METTL25: variants seen among roughly 807,000 people sequenced by gnomAD.
METTL25 encodes probable methyltransferase-like protein 25.
A neutral mutation model predicts 71.6 loss-of-function variants in METTL25; 64 were observed. That is an observed-to-expected ratio of 0.89 (90% confidence interval 0.73 to 1.10). METTL25 has a LOEUF of 1.10. Among genes scored for constraint, METTL25 ranks in the 50% least tolerant of loss-of-function variants. The pLI is 0.00. For synonymous variants in METTL25, 287 were observed against 250.3 expected (o/e 1.15, Z -1.38); for missense variants, 807 against 707.0 (o/e 1.14, Z -1.60).
intron 8 of METTL25, among the ~76,000 whole-genome samples, chr12:82,453,899 A>C (rs1489807878): frequency 6.6e-6 from 1 of 152,126 alleles, no homozygotes; most frequent in Admixed American, 6.6e-5. Flanking sequence ...TGAGCAAGAC[A>C]GCTGTGTTCC....
At chr12:82,416,989 A>C (rs1421670404) in intron 5 of METTL25, among the ~76,000 whole-genome samples, 2 of 152,154 alleles carry the variant, frequency 1.3e-5, no homozygotes, top group East Asian at 3.8e-4. Flanking sequence ...ATAAAATTCT[A>C]AGGTGGGAAA....
At chr12:82,377,714 G>A (rs149146315) in intron 1 of METTL25, among the ~76,000 whole-genome samples, 13 of 152,164 alleles carry the variant, frequency 8.5e-5, no homozygotes, top group East Asian at 1.9e-4. Context: ...ATTGTTTGTC[G>A]TAATTTAACA....
intron 7 of METTL25, among the ~76,000 whole-genome samples, chr12:82,436,432 G>C (rs925132878): frequency 9.2e-5 from 14 of 151,648 alleles, no homozygotes; most frequent in African/African-American, 3.4e-4. Context: ...GAATAGTCAG[G>C]CACAGACTGT....
intron 5 of METTL25, among the ~76,000 whole-genome samples, chr12:82,429,944 A>G (rs1225185276): frequency 6.6e-6 from 1 of 151,590 alleles, no homozygotes; most frequent in Non-Finnish European, 1.5e-5. Flanking sequence ...CTATGATTGT[A>G]AAAGTTAAAC....
intron 9 of METTL25, among the ~76,000 whole-genome samples, chr12:82,466,607 G>T (rs1892249709): frequency 6.6e-6 from 1 of 151,978 alleles, no homozygotes; most frequent in Non-Finnish European, 1.5e-5. Context: ...TGTTCTGTTA[G>T]TTTGATCTAA....
rs140211119 is a variant in METTL25 at position 82,461,922 on chromosome 12, T to G, written c.1572+5102T>G. Among the ~76,000 whole-genome samples, 387 of 152,344 alleles carry G rather than the reference T, an allele frequency of 2.5e-3. 2 individuals carry two copies. The highest frequency in any genetic ancestry group is 8.8e-3 in the African/African-American group (365 of 41,588). On this transcript the variant is annotated intron_variant, in intron 9 of 11. Coordinates refer to ENST00000248306, the MANE Select transcript of METTL25 (RefSeq NM_032230.3). ...ACAAGCACCTGAGCATGATTTCTTA[T>G]ATATTGTCTCCCACTCTAGTTTCTC...
At chr12:82,464,751 A>T (rs886805492) in intron 9 of METTL25, among the ~76,000 whole-genome samples, 8 of 151,654 alleles carry the variant, frequency 5.3e-5, no homozygotes, top group African/African-American at 7.3e-5. Context: ...TGAGCATGGG[A>T]TGTTTCTCCA....
intron 1 of METTL25, among the ~76,000 whole-genome samples, chr12:82,385,368 G>A (rs1176767003): frequency 6.6e-6 from 1 of 151,962 alleles, no homozygotes; most frequent in Non-Finnish European, 1.5e-5. Flanking sequence ...AGCTATGCTG[G>A]AGAAGACTTC....
chr12:82,386,805 A>G lies in METTL25; in HGVS notation c.262A>G (p.Met88Val). Residue 88 changes from methionine to valine, a missense_variant and splice_region_variant, in exon 2 of 12, where the codon ATG (methionine) becomes GTG (valine). Transcript: ENST00000248306. ...TTTTTCTGTCTTCACTTTTTTAGGTATGACTGATTTTCCCAAAATATTTTG... is the reference window on the plus strand; with the variant it reads ...TTTTTCTGTCTTCACTTTTTTAGGTGTGACTGATTTTCCCAAAATATTTTG... ...PLVEAEWEAG[M>V]TDFPKIFCET... 4 of 1,612,252 alleles carry G rather than the reference A, an allele frequency of 2.5e-6. No homozygotes were observed. The highest frequency in any genetic ancestry group is 3.4e-6 in the Non-Finnish European group (4 of 1,178,952).
chr12:82,444,130 T>C (rs1180065220), intron 8 of METTL25, among the ~76,000 whole-genome samples: 2 of 151,932 alleles, frequency 1.3e-5, no homozygotes, highest in Non-Finnish European at 2.9e-5. Flanking sequence ...GTAAGACATA[T>C]AATAATCAAA....
intron 1 of METTL25, among the ~76,000 whole-genome samples, chr12:82,386,292 C>T (rs77080671): frequency 0.016 from 2,506 of 152,250 alleles, 60 homozygotes; most frequent in African/African-American, 0.058. Flanking sequence ...CATTGTTCCT[C>T]ATGCACTGTG....
chr12:82,452,522 A>C (rs1007499052), intron 8 of METTL25, among the ~76,000 whole-genome samples: 5 of 152,204 alleles, frequency 3.3e-5, no homozygotes, highest in Non-Finnish European at 7.3e-5. Context: ...TGAATGAATA[A>C]ATAATTTTTA....
intron 5 of METTL25, among the ~76,000 whole-genome samples, chr12:82,413,758 T>A (rs1299789759): frequency 2.6e-5 from 4 of 152,016 alleles, no homozygotes; most frequent in Non-Finnish European, 2.9e-5. Context: ...ACATTTACTT[T>A]TAGTATCTTT....
intron 8 of METTL25, among the ~76,000 whole-genome samples, chr12:82,439,273 G>C (rs1269186875): frequency 2.0e-5 from 3 of 151,578 alleles, no homozygotes; most frequent in African/African-American, 4.8e-5. Context: ...CATATGTTTT[G>C]TTTTATTCCT....
rs776021939 is a variant in METTL25 at position 82,372,033 on chromosome 12, A to G, written c.259+13209A>G. Among the ~76,000 whole-genome samples, 77 of 152,298 alleles carry G rather than the reference A, an allele frequency of 5.1e-4. 1 individual carries two copies. The highest frequency in any genetic ancestry group is 7.1e-4 in the Non-Finnish European group (48 of 68,030). ...CTGTCATTCCATCATTTACTTGACT[A>G]AGATACAAGGTATCTCCAAACTCTC... On this transcript the variant is annotated intron_variant, in intron 1 of 11. Transcript: ENST00000248306.
At chr12:82,460,680 C>T (rs143838470) in intron 9 of METTL25, among the ~76,000 whole-genome samples, 1 of 152,258 alleles carries the variant, frequency 6.6e-6, no homozygotes, top group East Asian at 1.9e-4. Context: ...GTCTGCAAAT[C>T]AAGACAAGTT....
At chr12:82,477,809 T>A (rs1398868225) in intron 11 of METTL25, among the ~76,000 whole-genome samples, 1 of 151,832 alleles carries the variant, frequency 6.6e-6, no homozygotes, top group Non-Finnish European at 1.5e-5. Flanking sequence ...CTTACTTATC[T>A]ATGTTAAATG....
At chr12:82,390,341 T>A (rs1003273227) in intron 3 of METTL25, among the ~76,000 whole-genome samples, 8 of 152,034 alleles carry the variant, frequency 5.3e-5, no homozygotes, top group Non-Finnish European at 1.2e-4. Flanking sequence ...TAACACAAAG[T>A]AGTTATGTTT....
At chr12:82,470,429 TA>T in intron 9 of METTL25, among the ~76,000 whole-genome samples, 3 of 152,274 alleles carry the variant, frequency 2.0e-5, no homozygotes, top group Admixed American at 2.0e-4. Flanking sequence ...AAGTAGAAAC[TA>T]GGTGGAGAAA....
Sources: gnomAD v4.1 joint callset for allele counts (sites outside exome capture counted in the v4.1 genomes callset) on GRCh38, gnomAD v4.1.1 for gene constraint, MANE v1.5 for transcripts, NCBI Gene and HGNC (gene_info 2026-07-23, HGNC 2026-07-21) for gene names.